Variants in ROR1 observed in about 807,000 individuals in gnomAD.
ROR1 encodes inactive tyrosine-protein kinase transmembrane receptor ROR1.
Under a neutral mutation model 78.8 loss-of-function variants are expected in ROR1, and 19 were observed. The ratio of observed to expected loss-of-function variants is 0.24; its 90% CI spans 0.17 to 0.35. The LOEUF (loss-of-function observed/expected upper bound fraction) is 0.35, where lower values mean the gene tolerates loss of function less well. Ranked by LOEUF, ROR1 falls within the 10% of genes least tolerant of loss-of-function variation. ROR1 has a pLI of 1.00. For missense variants in ROR1, 917 were observed against 1,177.8 expected (o/e 0.78, Z 3.24); for synonymous variants, 386 against 433.6 (o/e 0.89, Z 1.36).
chr1:63,993,543 A>G (rs767655588), intron 1 of ROR1, among the ~76,000 whole-genome samples: 14 of 152,232 alleles, frequency 9.2e-5, no homozygotes, highest in Non-Finnish European at 1.3e-4. Flanking sequence ...TGCATATTAT[A>G]CATTCCATAT....
intron 1 of ROR1, among the ~76,000 whole-genome samples, chr1:63,925,237 C>T (rs922741955): frequency 2.8e-5 from 4 of 143,298 alleles, no homozygotes; most frequent in Admixed American, 7.5e-5. Context: ...TTGTTCAATT[C>T]TCACCTATGA....
rs1371389158 is a variant in ROR1 at position 64,179,024 on chromosome 1, G to A, written c.*169G>A. The A allele has an allele frequency of 0.019, 2,927 of 157,512 alleles. 79 individuals carry two copies. The highest frequency in any genetic ancestry group is 0.043 in the South Asian group (536 of 12,490). 9.8% of individuals were successfully genotyped at this position (157,512 alleles called of 1,614,324 possible). A position where few individuals can be genotyped will look rare whatever the true frequency, so the allele number is the denominator to read the frequency against. Reference sequence around the variant, plus strand: ...ACCAAGCAGGACAGACACTCGGCCAGAAAAAAAAAAAAAAAAAAAAAACAA... The same window carrying A: ...ACCAAGCAGGACAGACACTCGGCCAAAAAAAAAAAAAAAAAAAAAAAACAA... On this transcript the variant is annotated 3_prime_UTR_variant, in exon 9 of 9. Coordinates refer to ENST00000371079, the MANE Select transcript of ROR1 (RefSeq NM_005012.4).
At chr1:63,932,911 A>G (rs1645765445) in intron 1 of ROR1, among the ~76,000 whole-genome samples, 1 of 152,112 alleles carries the variant, frequency 6.6e-6, no homozygotes, top group Non-Finnish European at 1.5e-5. Flanking sequence ...CAGAGCTGGT[A>G]GAGTGGGTGG....
chr1:63,916,811 C>T (rs1453349998), intron 1 of ROR1, among the ~76,000 whole-genome samples: 26 of 152,310 alleles, frequency 1.7e-4, no homozygotes. Context: ...TTTTACTCTC[C>T]TGCATTGAAG....
At chr1:64,084,805 C>A (rs562134544) in intron 4 of ROR1, among the ~76,000 whole-genome samples, 1 of 152,334 alleles carries the variant, frequency 6.6e-6, no homozygotes, top group South Asian at 2.1e-4. Flanking sequence ...TTTGGGGATG[C>A]CTTGAGAAGG....
At chr1:64,067,434 G>T (rs895309293) in intron 4 of ROR1, among the ~76,000 whole-genome samples, 5 of 110,532 alleles carry the variant, frequency 4.5e-5, no homozygotes, top group Non-Finnish European at 6.6e-5. Context: ...GACAGAGCGA[G>T]CCTCCGTCTC....
chr1:63,800,620 G>A (rs908596903), intron 1 of ROR1, among the ~76,000 whole-genome samples: 2 of 152,210 alleles, frequency 1.3e-5, no homozygotes, highest in African/African-American at 4.8e-5. Context: ...CTGCAGGACA[G>A]GAGGTCTGAG....
chr1:63,875,887 G>T (rs958238797), intron 1 of ROR1, among the ~76,000 whole-genome samples: 2 of 152,200 alleles, frequency 1.3e-5, no homozygotes, highest in Admixed American at 6.5e-5. Flanking sequence ...AAGCAATCAG[G>T]TGAGTGACAA....
At chr1:64,004,603 G>C (rs999484738) in intron 1 of ROR1, among the ~76,000 whole-genome samples, 1 of 152,178 alleles carries the variant, frequency 6.6e-6, no homozygotes, top group African/African-American at 2.4e-5. Context: ...GTAACCTCAC[G>C]CATCACTGAA....
intron 4 of ROR1, among the ~76,000 whole-genome samples, chr1:64,098,287 A>C (rs534837743): frequency 1.3e-5 from 2 of 152,238 alleles, no homozygotes; most frequent in Admixed American, 1.3e-4. Flanking sequence ...CTCCCTGCCA[A>C]CTCAGTCCCA....
chr1:64,107,401 G>C (rs910389923), intron 4 of ROR1, among the ~76,000 whole-genome samples: 2 of 152,184 alleles, frequency 1.3e-5, no homozygotes, highest in Non-Finnish European at 2.9e-5. Flanking sequence ...AGCAATGATA[G>C]CTAGTTTAGG....
At chr1:63,788,961 A>G (rs559689661) in intron 1 of ROR1, 18 of 684,510 alleles carry the variant, frequency 2.6e-5, no homozygotes, top group South Asian at 5.4e-5. Context: ...GAGGTGATCA[A>G]TCTTCTTAGA....
At chr1:63,946,467 T>C (rs6660751) in intron 1 of ROR1, among the ~76,000 whole-genome samples, 45,561 of 152,094 alleles carry the variant, frequency 0.3, 9,319 homozygotes, top group African/African-American at 0.59. Flanking sequence ...AAAATGTTTT[T>C]GTGGTGTACA....
intron 4 of ROR1, chr1:64,112,015 C>A (rs1327076052): frequency 6.6e-6 from 1 of 152,188 alleles, no homozygotes; most frequent in Non-Finnish European, 1.5e-5. Context: ...GTGAGTCACA[C>A]AATTTTCATG....
intron 1 of ROR1, among the ~76,000 whole-genome samples, chr1:63,796,947 C>A (rs944953217): frequency 6.6e-6 from 1 of 152,124 alleles, no homozygotes; most frequent in African/African-American, 2.4e-5. Context: ...ATTTTTCAAG[C>A]ATATATGAAA....
At chr1:64,040,079 C>G (rs1646734142) in intron 2 of ROR1, among the ~76,000 whole-genome samples, 1 of 152,156 alleles carries the variant, frequency 6.6e-6, no homozygotes, top group African/African-American at 2.4e-5. Context: ...CTTCAAGTGA[C>G]TTCTTGGAAT....
In ROR1 at chr1:64,030,553, A is replaced by C. The variant is rs1646651973; in HGVS notation, c.164-19138A>C. ...TAAGATCATGTAGCCTACCTCCGTCACTCATTCCTTCATGGAGAAGTAATC... is the reference window on the plus strand; with the variant it reads ...TAAGATCATGTAGCCTACCTCCGTCCCTCATTCCTTCATGGAGAAGTAATC... On this transcript the variant is annotated intron_variant, in intron 2 of 8. Transcript: ENST00000371079. 2.0e-5 allele frequency among the ~76,000 whole-genome samples: 3 copies of C among 152,152 alleles called. No homozygotes were observed. The South Asian group carries it at 6.2e-4, about 32-fold the overall frequency.
intron 1 of ROR1, among the ~76,000 whole-genome samples, chr1:63,925,701 C>T (rs1371284491): frequency 6.7e-6 from 1 of 149,010 alleles, no homozygotes; most frequent in African/African-American, 2.5e-5. Context: ...TTAATGATTG[C>T]CATTCTAACT....
At chr1:64,077,308 A>G (rs1455370398) in intron 4 of ROR1, among the ~76,000 whole-genome samples, 4 of 152,174 alleles carry the variant, frequency 2.6e-5, no homozygotes, top group African/African-American at 9.7e-5. Context: ...ACAATGTTCA[A>G]CTCTGTCATC....
Sources: allele counts gnomAD v4.1 joint callset (sites outside exome capture counted in the v4.1 genomes callset), GRCh38; gene constraint gnomAD v4.1.1; transcripts MANE v1.5; gene names NCBI Gene and HGNC (gene_info 2026-07-23, HGNC 2026-07-21).